The following TAF3 variants were observed in gnomAD, a reference collection of about 807,000 sequenced individuals.
TAF3 encodes transcription initiation factor TFIID subunit 3.
In TAF3, 7 loss-of-function variants were observed where a neutral mutation model predicts 80.6. The observed-to-expected ratio is 0.09, with a 90% confidence interval of 0.05 to 0.16. TAF3 has a LOEUF of 0.16. Ranked by LOEUF, TAF3 falls within the 10% of genes least tolerant of loss-of-function variation. The pLI is 1.00. For synonymous variants in TAF3, 444 were observed against 446.1 expected, an observed-to-expected ratio of 1.00 and a Z score of 0.06; for missense variants, 921 against 1,140.2, an observed-to-expected ratio of 0.81 and a Z score of 2.77.
intron 4 of TAF3, among the ~76,000 whole-genome samples, 176 bp from the exon 5 acceptor site, chr10:8,008,902 G>C (rs1446996172): frequency 6.6e-6 from 1 of 152,246 alleles, no homozygotes; most frequent in African/African-American, 2.4e-5. Context: ...AAATTCGTCT[G>C]AGTAAGTGGA....
intron 2 of TAF3, among the ~76,000 whole-genome samples, chr10:7,833,221 C>G (rs911476173): frequency 1.3e-5 from 2 of 152,146 alleles, no homozygotes; most frequent in Non-Finnish European, 2.9e-5. Context: ...GGTAAATACT[C>G]AGGAGTGGGG....
chr10:7,826,806 T>C (rs1422018851), intron 2 of TAF3, among the ~76,000 whole-genome samples: 3 of 152,322 alleles, frequency 2.0e-5, no homozygotes, highest in African/African-American at 7.2e-5. Context: ...CATTTAAAAA[T>C]ATAACCATAC....
intron 4 of TAF3, among the ~76,000 whole-genome samples, chr10:8,007,171 T>C (rs1254492445): frequency 6.6e-6 from 1 of 152,180 alleles, no homozygotes; most frequent in East Asian, 1.9e-4. Flanking sequence ...CAAAAACCTT[T>C]GGCTTACTAA....
intron 4 of TAF3, among the ~76,000 whole-genome samples, chr10:7,988,599 AAAG>A (rs1197674496): frequency 3.4e-5 from 5 of 145,218 alleles, no homozygotes; most frequent in East Asian, 4.1e-4. Flanking sequence ...AAAAAAAAAA[AAAG>A]AAGCCAGATA....
At chr10:7,989,513 T>C (rs546709975) in intron 4 of TAF3, among the ~76,000 whole-genome samples, 1 of 152,384 alleles carries the variant, frequency 6.6e-6, no homozygotes, top group South Asian at 2.1e-4. Context: ...TTAAATTTCC[T>C]ATGAAATACG....
At chr10:7,935,643 G>A (rs894403465) in intron 2 of TAF3, among the ~76,000 whole-genome samples, 1 of 152,106 alleles carries the variant, frequency 6.6e-6, no homozygotes, top group African/African-American at 2.4e-5. Context: ...GAGAATACTG[G>A]GGGGTTCATA....
intron 2 of TAF3, among the ~76,000 whole-genome samples, chr10:7,851,808 A>G (rs1218756986): frequency 6.6e-6 from 1 of 152,158 alleles, no homozygotes; most frequent in African/African-American, 2.4e-5. Flanking sequence ...TTTTCAAGAC[A>G]GGGTCTCACT....
In TAF3 at chr10:8,009,626, C is replaced by CTT. The variant is rs1278793893; in HGVS notation, c.2568+307_2568+308dup. 1.6e-4 allele frequency among the ~76,000 whole-genome samples: 23 copies of CTT among 142,766 alleles called. No homozygotes were observed. The East Asian group carries it at 3.5e-3, about 22-fold the overall frequency. 93.7% of individuals were successfully genotyped at this position (142,766 alleles called of 152,430 possible). On this transcript the variant is annotated intron_variant, in intron 5 of 6. Transcript: ENST00000344293. The surrounding 1 kb of genome is among the most constrained non-coding windows in gnomAD (Gnocchi z 4.1). ...TGGCCAGACACGTTTCTTTTTTTTT[C>CTT]TTTTTTTTTTTTGAGACAGAGTTTC...
At chr10:8,001,030 C>T (rs746746893) in intron 4 of TAF3, among the ~76,000 whole-genome samples, 4 of 152,092 alleles carry the variant, frequency 2.6e-5, no homozygotes, top group Non-Finnish European at 4.4e-5. Flanking sequence ...TCTATGTAAC[C>T]GATCTCCTAT....
chr10:7,840,854 CTT>C (rs913492093), intron 2 of TAF3, among the ~76,000 whole-genome samples: 2 of 146,134 alleles, frequency 1.4e-5, no homozygotes. Flanking sequence ...TTCTTTCTTT[CTT>C]TTTTTTTTTT....
At chr10:7,936,732 T>A (rs1260497646) in intron 2 of TAF3, among the ~76,000 whole-genome samples, 3 of 152,178 alleles carry the variant, frequency 2.0e-5, no homozygotes, top group Non-Finnish European at 4.4e-5. Flanking sequence ...CTTGGTGTTG[T>A]ACATTCCATG....
chr10:7,965,774 AAC>A, intron 3 of TAF3, 32 bp downstream of exon 3: 1 of 1,499,512 alleles, frequency 6.7e-7, no homozygotes, highest in East Asian at 2.3e-5. Context: ...GCCCTATCTG[AAC>A]AGAGTCCTAG....
At position 7,925,812 on chromosome 10, in the gene TAF3, AG is replaced by A. The variant is rs67475264; in HGVS notation, c.410-38107del. On this transcript the variant is annotated intron_variant, in intron 2 of 6. Transcript: ENST00000344293. The stretch of plus-strand genomic sequence containing the variant: ...AAACTCCATCTCAAAAAAAAAAAAA[AG>A]AAAAGAAAAGAAAAGAAAAAGGAAG... Among the ~76,000 whole-genome samples the A allele has an allele frequency of 4.9e-3, 672 of 136,058 alleles. 11 individuals are homozygous for A. The highest frequency in any genetic ancestry group is 0.017 in the African/African-American group (635 of 37,714). The allele number at this position is 136,058 out of a possible 152,430, so 89.3% of individuals were successfully genotyped here.
intron 2 of TAF3, among the ~76,000 whole-genome samples, chr10:7,885,698 T>G (rs186166698): frequency 1.3e-5 from 2 of 152,234 alleles, no homozygotes; most frequent in African/African-American, 4.8e-5. Flanking sequence ...CAGTCTTCAT[T>G]ATCTCCCAAA....
chr10:7,935,542 C>T lies in TAF3; in HGVS notation c.410-28378C>T, dbSNP rs577579200. Among the ~76,000 whole-genome samples, 363 of 152,254 alleles carry T rather than the reference C, an allele frequency of 2.4e-3. 2 individuals carry two copies. The highest frequency in any genetic ancestry group is 8.2e-3 in the African/African-American group (340 of 41,558). ...GAGCTTGCAGTGAGCCGAGATCGCG[C>T]CACTGCACTCCAGCCTGAGTGACAG... On this transcript the variant is annotated intron_variant, in intron 2 of 6. Coordinates refer to ENST00000344293, the MANE Select transcript of TAF3 (RefSeq NM_031923.4).
intron 2 of TAF3, among the ~76,000 whole-genome samples, chr10:7,863,819 T>C (rs537600674): frequency 1.3e-5 from 2 of 150,614 alleles, no homozygotes; most frequent in African/African-American, 2.4e-5. Context: ...AGTGATGTTT[T>C]ATAGTTTTCA....
intron 2 of TAF3, among the ~76,000 whole-genome samples, chr10:7,854,115 G>A (rs946737967): frequency 2.0e-5 from 3 of 152,136 alleles, no homozygotes; most frequent in Non-Finnish European, 2.9e-5. Context: ...TCCAGTGACC[G>A]ATGTCATTAC....
Position 7,964,238 on chromosome 10 carries a change from C to T in TAF3, c.728C>T (p.Ser243Leu). Residue 243 changes from serine to leucine, a missense_variant, in exon 3 of 7, where the codon TCA (serine) becomes TTA (leucine). Transcript: ENST00000344293. The surrounding 1 kb of genome is among the most constrained non-coding windows in gnomAD (Gnocchi z 4.1). Reference protein sequence around the residue: ...VQDSTDLAPPSPEPPMLAPVA... With the variant: ...VQDSTDLAPPLPEPPMLAPVA... ...GACAGTACAGACTTGGCACCTCCCTCACCCGAGCCGCCAATGTTGGCTCCA... is the reference window on the plus strand; with the variant it reads ...GACAGTACAGACTTGGCACCTCCCTTACCCGAGCCGCCAATGTTGGCTCCA... The T allele has an allele frequency of 6.2e-7, 1 of 1,614,228 alleles. No individual in the cohort carries two copies. Among genetic ancestry groups the T allele is most frequent in the Non-Finnish European group, 8.5e-7 (1 of 1,180,032 alleles).
rs80255650 is a variant in TAF3 at position 7,827,973 on chromosome 10, G to T, written c.409+3413G>T. ...TGTCTCAAAAAAAAATAAAACACAT[G>T]ACAGCGAATATTAGTTCTCGTCCCC... is the stretch of plus-strand genomic sequence containing the variant. On this transcript the variant is annotated intron_variant, in intron 2 of 6. Coordinates refer to ENST00000344293, the MANE Select transcript of TAF3 (RefSeq NM_031923.4). Among the ~76,000 whole-genome samples, 966 of 152,076 alleles carry T rather than the reference G, an allele frequency of 6.4e-3. 9 individuals are homozygous for T. The highest frequency in any genetic ancestry group is 0.022 in the African/African-American group (911 of 41,472).
Sources: allele counts gnomAD v4.1 joint callset (sites outside exome capture counted in the v4.1 genomes callset), GRCh38; gene constraint gnomAD v4.1.1; non-coding constraint Gnocchi (gnomAD v3.1); transcripts MANE v1.5; gene names NCBI Gene and HGNC (gene_info 2026-07-23, HGNC 2026-07-21).